RSPO2: variants seen among roughly 807,000 people sequenced by gnomAD.
The protein encoded by RSPO2 is R-spondin-2.
Under a neutral mutation model 30.9 loss-of-function variants are expected in RSPO2, and 14 were observed. The observed-to-expected ratio is 0.45, with a 90% CI of 0.30 to 0.71. The LOEUF (loss-of-function observed/expected upper bound fraction) is 0.71, where lower values mean the gene tolerates loss of function less well. Ranked by LOEUF, RSPO2 falls within the 30% of genes least tolerant of loss-of-function variation. RSPO2 has a pLI of 0.08. For missense variants in RSPO2, 264 were observed against 301.9 expected (o/e 0.87, Z 0.93); for synonymous variants, 107 against 96.4 (o/e 1.11, Z -0.64).
chr8:108,025,747 C>A (rs963515207), intron 2 of RSPO2, among the ~76,000 whole-genome samples: 1 of 152,030 alleles, frequency 6.6e-6, no homozygotes, highest in African/African-American at 2.4e-5. Context: ...GTCTCAAACT[C>A]CTGAGCTCAA....
intron 5 of RSPO2, among the ~76,000 whole-genome samples, chr8:107,936,573 C>T (rs898729350): frequency 3.3e-5 from 5 of 152,186 alleles, no homozygotes; most frequent in Non-Finnish European, 7.4e-5. Context: ...ATTTACATTT[C>T]CACCAATGGT....
intron 3 of RSPO2, among the ~76,000 whole-genome samples, chr8:107,980,129 T>C (rs893131069): frequency 2.0e-5 from 3 of 152,186 alleles, no homozygotes; most frequent in Non-Finnish European, 4.4e-5. Flanking sequence ...ATCTGAAGAC[T>C]CACCCATCTC....
At chr8:108,071,005 G>T (rs989609548) in intron 2 of RSPO2, among the ~76,000 whole-genome samples, 10 of 151,842 alleles carry the variant, frequency 6.6e-5, no homozygotes, top group African/African-American at 2.4e-4. Flanking sequence ...GGTCCAGCCT[G>T]TCACATTTCT....
intron 2 of RSPO2, among the ~76,000 whole-genome samples, chr8:108,073,281 A>G (rs927236168): frequency 2.6e-5 from 4 of 152,266 alleles, no homozygotes; most frequent in African/African-American, 9.6e-5. Flanking sequence ...AAGCAAAGGA[A>G]GCACAAATCC....
At position 108,030,640 on chromosome 8, in the gene RSPO2, A is replaced by G. The variant is rs74414091; in HGVS notation, c.95-41396T>C. Among the ~76,000 whole-genome samples, 183 of 152,312 alleles carry G rather than the reference A, an allele frequency of 1.2e-3. 6 individuals carry two copies. In the East Asian group the frequency reaches 0.033, roughly 28 times the overall value. On this transcript the variant is annotated intron_variant, in intron 2 of 5. Coordinates refer to ENST00000276659, the MANE Select transcript of RSPO2 (RefSeq NM_178565.5). ...TTACTCACTTAGGATTCCTATGAAA[A>G]TAAAACCAAAATGCTGGGTAAGTGC...
chr8:107,931,452 T>C (rs1361690714), intron 5 of RSPO2, among the ~76,000 whole-genome samples: 2 of 152,108 alleles, frequency 1.3e-5, no homozygotes, highest in Non-Finnish European at 2.9e-5. Context: ...ACATATTACT[T>C]TATGTTTGGA....
intron 2 of RSPO2, among the ~76,000 whole-genome samples, chr8:108,009,248 T>C (rs1810616247): frequency 6.6e-6 from 1 of 152,338 alleles, no homozygotes; most frequent in African/African-American, 2.4e-5. Flanking sequence ...AGAAATTTCA[T>C]GTGAATTTCA....
At chr8:107,987,421 C>A (rs1814685481) in intron 3 of RSPO2, among the ~76,000 whole-genome samples, 2 of 152,202 alleles carry the variant, frequency 1.3e-5, no homozygotes, top group Admixed American at 1.3e-4. Context: ...ATCAGTTGCA[C>A]TGCAGCCTCC....
At chr8:107,919,660 G>C (rs1473437303) in intron 5 of RSPO2, among the ~76,000 whole-genome samples, 1 of 152,038 alleles carries the variant, frequency 6.6e-6, no homozygotes, top group Non-Finnish European at 1.5e-5. Context: ...CCCAGGAACT[G>C]ACTCAGCACA....
At chr8:108,067,740 C>T (rs940506864) in intron 2 of RSPO2, among the ~76,000 whole-genome samples, 3 of 152,176 alleles carry the variant, frequency 2.0e-5, no homozygotes, top group Admixed American at 2.0e-4. Context: ...TGAGATTTCA[C>T]TAATGCTCCA....
At chr8:108,001,232 C>G (rs1465521810) in intron 2 of RSPO2, among the ~76,000 whole-genome samples, 1 of 152,134 alleles carries the variant, frequency 6.6e-6, no homozygotes, top group East Asian at 1.9e-4. Flanking sequence ...TTTCCAAAAA[C>G]AGTCATGAAT....
At chr8:107,950,658 A>G (rs1308067919) in intron 5 of RSPO2, among the ~76,000 whole-genome samples, 1 of 152,098 alleles carries the variant, frequency 6.6e-6, no homozygotes, top group Admixed American at 6.5e-5. Context: ...AGATGATAGT[A>G]TTAACACAAA....
At position 108,028,420 on chromosome 8, in the gene RSPO2, G is replaced by A. The variant is rs143461428; in HGVS notation, c.95-39176C>T. 1.2e-4 allele frequency among the ~76,000 whole-genome samples: 19 copies of A among 152,168 alleles called. No homozygotes were observed. The East Asian group carries it at 2.7e-3, about 22-fold the overall frequency. On this transcript the variant is annotated intron_variant, in intron 2 of 5. Transcript: ENST00000276659. ...TCCCTTCTACTGCTTGCTCTACATC[G>A]CACAGGAGGAGGCAGGACACTTTCT...
intron 2 of RSPO2, among the ~76,000 whole-genome samples, chr8:108,015,414 T>C (rs2130597438): frequency 6.6e-6 from 1 of 152,282 alleles, no homozygotes; most frequent in South Asian, 2.1e-4. Context: ...TGCTAACACC[T>C]GAACACATGT....
intron 5 of RSPO2, among the ~76,000 whole-genome samples, chr8:107,924,193 G>C (rs1294482057): frequency 6.6e-6 from 1 of 152,002 alleles, no homozygotes; most frequent in Non-Finnish European, 1.5e-5. Context: ...GGGAGCATCT[G>C]AAGATGTGCT....
chr8:108,022,562 T>A (rs1160722039), intron 2 of RSPO2, among the ~76,000 whole-genome samples: 1 of 152,194 alleles, frequency 6.6e-6, no homozygotes. Context: ...TCTGCTTGAG[T>A]AATCATTTTG....
At chr8:107,970,998 T>C (rs1563544531) in intron 3 of RSPO2, among the ~76,000 whole-genome samples, 1 of 152,368 alleles carries the variant, frequency 6.6e-6, no homozygotes, top group East Asian at 1.9e-4. Context: ...TCAGAATGCA[T>C]GTTACCTGCT....
At chr8:107,919,104 A>G (rs1812073650) in intron 5 of RSPO2, among the ~76,000 whole-genome samples, 1 of 152,258 alleles carries the variant, frequency 6.6e-6, no homozygotes, top group Middle Eastern at 3.4e-3. Context: ...GTATGCTCAG[A>G]CAGTTGCAAA....
At chr8:108,076,674 A>G (rs1298948922) in intron 2 of RSPO2, among the ~76,000 whole-genome samples, 1 of 152,128 alleles carries the variant, frequency 6.6e-6, no homozygotes, top group East Asian at 1.9e-4. Context: ...AAGAAAGCGA[A>G]TTGTCAGGTT....
Sources: allele counts gnomAD v4.1 joint callset (sites outside exome capture counted in the v4.1 genomes callset), GRCh38; gene constraint gnomAD v4.1.1; transcripts MANE v1.5; gene names NCBI Gene and HGNC (gene_info 2026-07-23, HGNC 2026-07-21).